Variants in DYRK1A observed in about 807,000 individuals in gnomAD.
DYRK1A encodes the protein dual specificity tyrosine phosphorylation regulated kinase 1A.
DYRK1A carries 9 observed loss-of-function variants against 79.7 expected under a neutral mutation model. That is an observed-to-expected ratio of 0.11 (90% CI 0.07 to 0.20). DYRK1A has a LOEUF of 0.20. DYRK1A is among the 10% of genes least tolerant of loss of function. DYRK1A has a pLI of 1.00. For synonymous variants in DYRK1A, 349 were observed against 329.7 expected, an observed-to-expected ratio of 1.06 and a Z score of -0.63; for missense variants, 622 against 956.0, an observed-to-expected ratio of 0.65 and a Z score of 4.61.
chr21:37,500,056 C>T (rs1167493385), intron 9 of DYRK1A, among the ~76,000 whole-genome samples: 1 of 152,158 alleles, frequency 6.6e-6, no homozygotes, highest in Non-Finnish European at 1.5e-5. Flanking sequence ...CTGGAACCAA[C>T]CCCCTGCGTA....
chr21:37,518,002 C>A lies in DYRK1A; in HGVS notation c.*5471C>A, dbSNP rs1268282457. On this transcript the variant is annotated 3_prime_UTR_variant, in exon 12 of 12. Transcript: ENST00000647188. ...TTAAACAACTGGGCTAGGTGATCCTCCCATCTCAGCCTCCCAAGTAGCTGG... is the reference window on the plus strand; with the variant it reads ...TTAAACAACTGGGCTAGGTGATCCTACCATCTCAGCCTCCCAAGTAGCTGG... 6.6e-6 allele frequency: 1 copy of A among 152,184 alleles called. No individual in the cohort carries two copies. Among genetic ancestry groups the A allele is most frequent in the Non-Finnish European group, 1.5e-5 (1 of 68,070 alleles). 9.4% of individuals were successfully genotyped at this position (152,184 alleles called of 1,614,324 possible). A position where few individuals can be genotyped will look rare whatever the true frequency, so the allele number is the denominator to read the frequency against.
intron 1 of DYRK1A, among the ~76,000 whole-genome samples, chr21:37,395,354 C>T (rs1274816599): frequency 6.6e-6 from 1 of 152,114 alleles, no homozygotes; most frequent in Non-Finnish European, 1.5e-5. Context: ...TGTCGCCCTT[C>T]AAGGGTGTAA....
chr21:37,508,949 TA>T (rs2053675611), intron 11 of DYRK1A, among the ~76,000 whole-genome samples: 1 of 152,196 alleles, frequency 6.6e-6, no homozygotes, highest in Non-Finnish European at 1.5e-5. Context: ...ATCTATTCCA[TA>T]CCGCAAACAC....
In DYRK1A at chr21:37,512,123, C is replaced by T. The variant is rs2148662539; in HGVS notation, c.1857C>T (p.Thr619=). Residue 619 remains threonine (T), a synonymous_variant, in exon 12 of 12, where the codon ACC becomes ACT. Transcript: ENST00000647188. ...HHGQQALGNR[T]RPRVYNSPTN... ...GACAACAAGCCTTGGGTAACCGGAC[C>T]AGGCCAAGGGTCTACAATTCTCCAA... 2 of 1,614,192 alleles carry T rather than the reference C, an allele frequency of 1.2e-6. No homozygotes were observed. Among genetic ancestry groups the T allele is most frequent in the East Asian group, 4.5e-5 (2 of 44,880 alleles).
In DYRK1A at chr21:37,427,379, C is replaced by CT. The variant is rs1194649847; in HGVS notation, c.10+6996dup. 3.3e-5 allele frequency among the ~76,000 whole-genome samples: 5 copies of CT among 152,344 alleles called. No homozygotes were observed. In the East Asian group the frequency reaches 9.6e-4, roughly 29 times the overall value. On this transcript the variant is annotated intron_variant, in intron 2 of 11. Transcript: ENST00000647188. The stretch of plus-strand genomic sequence containing the variant: ...CCTTAAGTGATTCTTCCGCCTTAAC[C>CT]TCCCAAAGTGCTGGGATTACAGGTG...
intron 4 of DYRK1A, among the ~76,000 whole-genome samples, chr21:37,479,619 G>GTTTTTGTTTTTTTTTTT (rs2052550822): frequency 6.1e-4 from 45 of 73,910 alleles, no homozygotes; most frequent in East Asian, 1.9e-3. Context: ...TTTGTTTTTT[G>GTTTTTGTTTTTTTTTTT]TTTTTTTTTT....
At chr21:37,375,352 C>G (rs1412409822) in intron 1 of DYRK1A, among the ~76,000 whole-genome samples, 1 of 152,086 alleles carries the variant, frequency 6.6e-6, no homozygotes, top group Non-Finnish European at 1.5e-5. Flanking sequence ...CAGCTACTTA[C>G]TTGACATGAT....
intron 1 of DYRK1A, among the ~76,000 whole-genome samples, chr21:37,401,340 A>G (rs895461745): frequency 1.3e-5 from 2 of 152,196 alleles, no homozygotes; most frequent in Non-Finnish European, 2.9e-5. Flanking sequence ...AATCATGAAC[A>G]TAAACGTGTG....
chr21:37,379,880 A>G (rs561300954), intron 1 of DYRK1A, among the ~76,000 whole-genome samples: 1 of 152,320 alleles, frequency 6.6e-6, no homozygotes, highest in East Asian at 1.9e-4. Context: ...CTGGTGCCAA[A>G]TATAGAAAAA....
At position 37,512,476 on chromosome 21, in the gene DYRK1A, A is replaced by G; in HGVS notation, c.2210A>G (p.Glu737Gly). 2 of 1,614,238 alleles carry G rather than the reference A, an allele frequency of 1.2e-6. No individual in the cohort carries two copies. Among genetic ancestry groups the G allele is most frequent in the Non-Finnish European group, 1.7e-6 (2 of 1,180,040 alleles). Residue 737 changes from glutamate to glycine, a missense_variant, in exon 12 of 12, where the codon GAA becomes GGA. This residue lies in a region of DYRK1A where 292 missense variants were observed against 316.7 expected (regional missense o/e 0.92). Coordinates refer to ENST00000647188, the MANE Select transcript of DYRK1A (RefSeq NM_001347721.2). ...ACAATGAGGCAAGGGGCTGATAGAG[A>G]AGAGTCCCCCATGACAGGAGTTTGT... ...HLTMRQGADR[E>G]ESPMTGVCVQ... is the part of the protein sequence containing the mutation.
rs2053885414 is a variant in DYRK1A, at chr21:37,516,806, C to T, written c.*4275C>T. 6.6e-6 allele frequency: 1 copy of T among 152,202 alleles called. No individual in the cohort carries two copies. The highest frequency in any genetic ancestry group is 6.5e-5 in the Admixed American group (1 of 15,282). 9.4% of individuals were successfully genotyped at this position (152,202 alleles called of 1,614,324 possible). A position where few individuals can be genotyped will look rare whatever the true frequency, so the allele number is the denominator to read the frequency against. ...AAATAACACTACCTTAACACTGAGA[C>T]TGTCAGGTATTTGTCAGTATTTATT... is the stretch of plus-strand genomic sequence containing the variant. On this transcript the variant is annotated 3_prime_UTR_variant, in exon 12 of 12. Transcript: ENST00000647188.
intron 3 of DYRK1A, among the ~76,000 whole-genome samples, chr21:37,477,662 G>A (rs2052449010): frequency 1.3e-5 from 2 of 152,166 alleles, no homozygotes; most frequent in Non-Finnish European, 2.9e-5. Flanking sequence ...AGGGTCTGGA[G>A]ACATTAGGAG....
At chr21:37,488,453 T>C (rs1487098997) in intron 6 of DYRK1A, 2 of 727,032 alleles carry the variant, frequency 2.8e-6, no homozygotes, top group South Asian at 6.3e-5. Flanking sequence ...CTTTGAACTT[T>C]AAAAAACATC....
chr21:37,367,557 G>A lies in DYRK1A; in HGVS notation c.-148G>A, dbSNP rs969972448. 1 of 148,234 alleles carries A rather than the reference G, an allele frequency of 6.7e-6. No individual in the cohort carries two copies. The highest frequency in any genetic ancestry group is 2.4e-5 in the African/African-American group (1 of 40,894). The allele number at this position is 148,234 out of a possible 1,614,324, so 9.2% of individuals were successfully genotyped here. On this transcript the variant is annotated 5_prime_UTR_variant, in exon 1 of 12. Transcript: ENST00000647188. ...CGGCGCTGGCTGCGGAGGCCGCGGC[G>A]GGAGCGCGGCGCGGGAGCCCGAGGC...
intron 6 of DYRK1A, chr21:37,486,846 T>C: frequency 3.0e-6 from 1 of 328,904 alleles, no homozygotes; most frequent in Non-Finnish European, 5.5e-6. Context: ...ATGAGAATAG[T>C]GTGTGTGTGT....
chr21:37,464,434 G>T (rs1307925148), intron 2 of DYRK1A: 13 of 301,844 alleles, frequency 4.3e-5, no homozygotes, highest in Non-Finnish European at 7.0e-5. Flanking sequence ...TGGTAAAAAT[G>T]ATCCATACAG....
At chr21:37,415,100 G>A (rs2050312295) in intron 1 of DYRK1A, among the ~76,000 whole-genome samples, 1 of 152,060 alleles carries the variant, frequency 6.6e-6, no homozygotes, top group South Asian at 2.1e-4. Flanking sequence ...TCCTCTATTT[G>A]TTGGTACGTC....
At position 37,519,259 on chromosome 21, in the gene DYRK1A, T is replaced by C. The variant is rs530265380; in HGVS notation, c.*6728T>C. On this transcript the variant is annotated 3_prime_UTR_variant, in exon 12 of 12. Coordinates refer to ENST00000647188, the MANE Select transcript of DYRK1A (RefSeq NM_001347721.2). ...GTTTCCCAGGGCACCAGCCACCAGC[T>C]CTGTATAGTAGTTACAGTTTCCCTC... 6.6e-6 allele frequency: 1 copy of C among 152,348 alleles called. No homozygotes were observed. Among genetic ancestry groups the C allele is most frequent in the African/African-American group, 2.4e-5 (1 of 41,570 alleles). The allele number at this position is 152,348 out of a possible 1,614,324, so 9.4% of individuals were successfully genotyped here.
At chr21:37,475,508 A>G (rs931310709) in intron 3 of DYRK1A, among the ~76,000 whole-genome samples, 1 of 152,240 alleles carries the variant, frequency 6.6e-6, no homozygotes, top group Non-Finnish European at 1.5e-5. Context: ...ATGTTCCAAA[A>G]GAAAAAATTG....
Sources: allele counts gnomAD v4.1 joint callset (sites outside exome capture counted in the v4.1 genomes callset), GRCh38; gene constraint gnomAD v4.1.1; regional missense constraint gnomAD v4.1.1; transcripts MANE v1.5; gene names NCBI Gene and HGNC (gene_info 2026-07-23, HGNC 2026-07-21).